The following SUGCT variants were observed in gnomAD, a reference collection of about 807,000 sequenced individuals.
The protein encoded by SUGCT is succinyl-CoA:glutarate-CoA transferase.
SUGCT carries 41 observed loss-of-function variants against 55.0 expected under a neutral mutation model. The ratio of observed to expected loss-of-function variants is 0.74; its 90% CI spans 0.58 to 0.97. The LOEUF is 0.97. SUGCT is among the 50% of genes least tolerant of loss of function. The pLI is 0.00. For missense variants in SUGCT, 568 were observed against 547.8 expected, an observed-to-expected ratio of 1.04 and a Z score of -0.37; for synonymous variants, 187 against 200.4, an observed-to-expected ratio of 0.93 and a Z score of 0.56.
intron 6 of SUGCT, among the ~76,000 whole-genome samples, chr7:40,221,583 C>T (rs776343280): frequency 2.1e-4 from 31 of 149,712 alleles, no homozygotes; most frequent in Non-Finnish European, 3.4e-4. Context: ...CTCCGCCTCC[C>T]GGGTTCAAGT....
At chr7:40,844,255 G>C (rs1793441212) in intron 13 of SUGCT, among the ~76,000 whole-genome samples, 1 of 152,136 alleles carries the variant, frequency 6.6e-6, no homozygotes, top group African/African-American at 2.4e-5. Flanking sequence ...TCAGTGGAGG[G>C]TCAGGGTGAC....
chr7:40,963,399 G>A, the SUGCT span, among the ~76,000 whole-genome samples: 1 of 152,114 alleles, frequency 6.6e-6, no homozygotes, highest in South Asian at 2.1e-4. Context: ...CAAATGCATT[G>A]TCTACTTGGG....
intron 12 of SUGCT, among the ~76,000 whole-genome samples, chr7:40,556,917 G>T (rs7808612): frequency 0.21 from 32,208 of 152,072 alleles, 5,991 homozygotes; most frequent in African/African-American, 0.5. Context: ...GGCTGTATTA[G>T]TCAGATGATT....
rs533161275 is a variant in SUGCT, at chr7:40,502,968, T to C, written c.1089+6582T>C. Among the ~76,000 whole-genome samples, 20 of 152,284 alleles carry C rather than the reference T, an allele frequency of 1.3e-4. 1 individual carries two copies. In the South Asian group the frequency reaches 4.1e-3, roughly 32 times the overall value. On this transcript the variant is annotated intron_variant, in intron 12 of 13. Transcript: ENST00000335693. ...ATGCATTCTACTACCCGTTTCTTTT[T>C]GGCAACCTCCTAAATTTGTATTGGA...
At chr7:40,925,944 A>AT in the SUGCT span, among the ~76,000 whole-genome samples, 1 of 151,996 alleles carries the variant, frequency 6.6e-6, no homozygotes, top group Admixed American at 6.6e-5. Context: ...AAATCCAAGA[A>AT]TTATCCAGGC....
chr7:40,805,570 T>A (rs1018031212), intron 13 of SUGCT, among the ~76,000 whole-genome samples: 6 of 152,162 alleles, frequency 3.9e-5, no homozygotes, highest in African/African-American at 1.2e-4. Context: ...ACATGAAAAA[T>A]TTTGTTCCTT....
chr7:40,631,619 G>A (rs1799792374), intron 12 of SUGCT, among the ~76,000 whole-genome samples: 1 of 152,166 alleles, frequency 6.6e-6, no homozygotes, highest in Non-Finnish European at 1.5e-5. Flanking sequence ...AAATCAATAA[G>A]GTAATGCCAC....
chr7:40,200,796 T>A (rs1028268925), intron 6 of SUGCT, among the ~76,000 whole-genome samples: 1 of 152,078 alleles, frequency 6.6e-6, no homozygotes, highest in African/African-American at 2.4e-5. Flanking sequence ...ATTATAGGCA[T>A]TGGAGATTGA....
At chr7:40,956,149 A>G in the SUGCT span, among the ~76,000 whole-genome samples, 1 of 152,154 alleles carries the variant, frequency 6.6e-6, no homozygotes, top group Non-Finnish European at 1.5e-5. Context: ...TCACAAAAAG[A>G]GTTAGGGAGG....
intron 9 of SUGCT, among the ~76,000 whole-genome samples, chr7:40,336,942 T>C (rs1425928471): frequency 3.3e-5 from 5 of 152,202 alleles, no homozygotes; most frequent in Admixed American, 2.6e-4. Flanking sequence ...GATTCTGGTA[T>C]GTTGTGTCTT....
At chr7:40,893,442 T>A in the SUGCT span, among the ~76,000 whole-genome samples, 1 of 152,154 alleles carries the variant, frequency 6.6e-6, no homozygotes, top group Non-Finnish European at 1.5e-5. Flanking sequence ...AGGTAGGCCA[T>A]GAAACAAGTC....
chr7:40,241,436 G>T (rs1789382192), intron 7 of SUGCT, among the ~76,000 whole-genome samples: 1 of 151,520 alleles, frequency 6.6e-6, no homozygotes, highest in African/African-American at 2.4e-5. Context: ...AAAATTAGCT[G>T]GGCATCGTGG....
In SUGCT at chr7:40,449,354, G is replaced by T; in HGVS notation, c.884G>T (p.Cys295Phe). Residue 295 changes from cysteine (C) to phenylalanine (F), a missense_variant, in exon 10 of 14, where the codon TGC (cysteine) becomes TTC (phenylalanine). Cys to Phe is a radical substitution (Grantham distance 205). Transcript: ENST00000335693. ...AGNNQQFATV[C>F]KILDLPELID... ...AATAACCAGCAGTTTGCCACCGTCT[G>T]CAAGGTAATCTATAATTATTGGGAT... 6.2e-7 allele frequency: 1 copy of T among 1,608,358 alleles called. No individual in the cohort carries two copies. Among genetic ancestry groups the T allele is most frequent in the Non-Finnish European group, 8.5e-7 (1 of 1,175,566 alleles).
intron 9 of SUGCT, among the ~76,000 whole-genome samples, chr7:40,402,731 C>T (rs1786148201): frequency 2.0e-5 from 3 of 152,136 alleles, no homozygotes; most frequent in African/African-American, 7.2e-5. Flanking sequence ...ATGTCTGTCT[C>T]TCTCTCAGCT....
At chr7:40,856,370 A>G (rs1794168718) in intron 13 of SUGCT, among the ~76,000 whole-genome samples, 1 of 152,246 alleles carries the variant, frequency 6.6e-6, no homozygotes, top group Admixed American at 6.5e-5. Context: ...AAATTACTGT[A>G]CAATTTCCCT....
At chr7:40,331,590 C>T (rs921799169) in intron 9 of SUGCT, among the ~76,000 whole-genome samples, 6 of 84,128 alleles carry the variant, frequency 7.1e-5, no homozygotes, top group Admixed American at 1.4e-4. Flanking sequence ...GCTCAGAGAC[C>T]GCAGGCCTGC....
At chr7:40,201,541 CTGT>C (rs1786604181) in intron 6 of SUGCT, among the ~76,000 whole-genome samples, 1 of 152,154 alleles carries the variant, frequency 6.6e-6, no homozygotes, top group African/African-American at 2.4e-5. Flanking sequence ...ATCTGTCCAA[CTGT>C]ATAGACAGTG....
chr7:40,711,067 G>A (rs1459274501), intron 12 of SUGCT, among the ~76,000 whole-genome samples: 1 of 152,196 alleles, frequency 6.6e-6, no homozygotes, highest in African/African-American at 2.4e-5. Flanking sequence ...TCAGAGATGA[G>A]CAATCTCAAA....
chr7:41,006,613 G>A, the SUGCT span, among the ~76,000 whole-genome samples: 1 of 152,152 alleles, frequency 6.6e-6, no homozygotes, highest in Non-Finnish European at 1.5e-5. Context: ...TTTTGCAAAG[G>A]TGCTTAAAGA....
Sources: gnomAD v4.1 joint callset for allele counts (sites outside exome capture counted in the v4.1 genomes callset) on GRCh38, gnomAD v4.1.1 for gene constraint, MANE v1.5 for transcripts, NCBI Gene and HGNC (gene_info 2026-07-23, HGNC 2026-07-21) for gene names.